Variants in PLA2G4A observed in about 807,000 individuals in gnomAD.
PLA2G4A encodes the protein cytosolic phospholipase A2.
Under a neutral mutation model 81.9 loss-of-function variants are expected in PLA2G4A, and 40 were observed. That is an observed-to-expected ratio of 0.49 (90% CI 0.38 to 0.64). The LOEUF is 0.64. Ranked by LOEUF, PLA2G4A falls within the 30% of genes least tolerant of loss-of-function variation. The pLI is 0.00. For synonymous variants in PLA2G4A, 302 were observed against 296.9 expected, an observed-to-expected ratio of 1.02 and a Z score of -0.18; for missense variants, 715 against 905.1, an observed-to-expected ratio of 0.79 and a Z score of 2.69.
rs1322218791 is a variant in PLA2G4A, at chr1:186,893,396, A to G, written c.264+237A>G. Among the ~76,000 whole-genome samples, 9 of 152,194 alleles carry G rather than the reference A, an allele frequency of 5.9e-5. 2 individuals carry two copies. The highest frequency in any genetic ancestry group is 5.2e-4 in the Admixed American group (8 of 15,276). On this transcript the variant is annotated intron_variant, in intron 4 of 17. Coordinates refer to ENST00000367466, the MANE Select transcript of PLA2G4A (RefSeq NM_024420.3). ...CCTCCCCACGTGCTTTGGAGAAAAC[A>G]TATTTTCTGCTATCAAGGAGAGAAT...
intron 2 of PLA2G4A, among the ~76,000 whole-genome samples, chr1:186,869,331 T>A (rs1006335080): frequency 4.6e-5 from 7 of 152,198 alleles, no homozygotes; most frequent in African/African-American, 1.7e-4. Flanking sequence ...TTTTTTTAAA[T>A]AAAGTTGAAT....
chr1:186,927,994 C>T (rs1403072811), intron 7 of PLA2G4A, among the ~76,000 whole-genome samples: 1 of 152,138 alleles, frequency 6.6e-6, no homozygotes, highest in African/African-American at 2.4e-5. Flanking sequence ...CAGTGGAGGG[C>T]TCCCTTTAGT....
intron 5 of PLA2G4A, among the ~76,000 whole-genome samples, chr1:186,903,662 G>A (rs1654628099): frequency 6.6e-6 from 1 of 152,184 alleles, no homozygotes; most frequent in South Asian, 2.1e-4. Context: ...CTGCTTATGA[G>A]AATATAATGC....
At chr1:186,858,556 C>T (rs1172302925) in intron 2 of PLA2G4A, among the ~76,000 whole-genome samples, 1 of 152,036 alleles carries the variant, frequency 6.6e-6, no homozygotes, top group Non-Finnish European at 1.5e-5. Flanking sequence ...TGTAGGTTGC[C>T]TGTTCACTCT....
chr1:186,975,801 C>CTCAGGTCA (rs1191902038), intron 15 of PLA2G4A, among the ~76,000 whole-genome samples: 1 of 152,166 alleles, frequency 6.6e-6, no homozygotes, highest in Non-Finnish European at 1.5e-5. Context: ...ATTAGTTTGT[C>CTCAGGTCA]TCAGGTCATC....
rs1651453960 is a variant in PLA2G4A at position 186,828,962 on chromosome 1, CTTTCTCT to C, written c.-142_-136del. On this transcript the variant is annotated 5_prime_UTR_variant, in exon 1 of 18. Transcript: ENST00000367466. ...TTAGCCCCTCCTACTCAGGATAAGA[CTTTCTCT>C]AAGTCCGGAGCTGAAAAAGGATCCT... 2.0e-5 allele frequency: 3 copies of C among 152,140 alleles called. No individual in the cohort carries two copies. Among genetic ancestry groups the C allele is most frequent in the Non-Finnish European group, 4.4e-5 (3 of 68,036 alleles). 9.4% of individuals were successfully genotyped at this position (152,140 alleles called of 1,614,324 possible).
At chr1:186,905,890 A>G (rs1229443095) in intron 5 of PLA2G4A, among the ~76,000 whole-genome samples, 1 of 152,234 alleles carries the variant, frequency 6.6e-6, no homozygotes, top group Non-Finnish European at 1.5e-5. Context: ...TTCAGCACTG[A>G]GAATCAATCA....
chr1:186,929,527 T>C (rs1264428718), intron 7 of PLA2G4A, among the ~76,000 whole-genome samples: 1 of 152,220 alleles, frequency 6.6e-6, no homozygotes, highest in Non-Finnish European at 1.5e-5. Context: ...TATATATCAA[T>C]ATATCAAGAT....
intron 1 of PLA2G4A, among the ~76,000 whole-genome samples, chr1:186,845,425 G>A (rs182572129): frequency 3.1e-4 from 47 of 152,070 alleles, no homozygotes; most frequent in African/African-American, 9.6e-5. Context: ...GATTAGGGGC[G>A]ATTTTCCCTA....
intron 7 of PLA2G4A, among the ~76,000 whole-genome samples, chr1:186,924,868 G>A (rs1655492740): frequency 1.3e-5 from 2 of 152,126 alleles, no homozygotes; most frequent in African/African-American, 2.4e-5. Context: ...CAGCCAACAT[G>A]GTGAAAACCC....
intron 13 of PLA2G4A, among the ~76,000 whole-genome samples, chr1:186,953,443 C>A (rs1396399549): frequency 1.3e-5 from 2 of 151,830 alleles, no homozygotes; most frequent in African/African-American, 2.4e-5. Flanking sequence ...TTAAAGTGTT[C>A]TTTGTATGTT....
intron 1 of PLA2G4A, among the ~76,000 whole-genome samples, chr1:186,832,626 A>C (rs1268194233): frequency 1.3e-5 from 2 of 152,234 alleles, no homozygotes. Context: ...GTTTAAATTT[A>C]CATTTCTTTG....
chr1:186,829,439 C>T (rs937926831), intron 1 of PLA2G4A, among the ~76,000 whole-genome samples: 1 of 152,160 alleles, frequency 6.6e-6, no homozygotes, highest in African/African-American at 2.4e-5. Context: ...CGATCTTTAG[C>T]GAGAGACTTT....
chr1:186,891,347 T>G (rs1654131537), intron 3 of PLA2G4A, among the ~76,000 whole-genome samples: 1 of 152,092 alleles, frequency 6.6e-6, no homozygotes, highest in Admixed American at 6.6e-5. Context: ...AACAATTAGG[T>G]TATTATTGAC....
At chr1:186,839,609 A>G (rs1651905729) in intron 1 of PLA2G4A, among the ~76,000 whole-genome samples, 1 of 152,156 alleles carries the variant, frequency 6.6e-6, no homozygotes, top group Non-Finnish European at 1.5e-5. Context: ...TGCTACTCAA[A>G]GGTAGAGGCA....
At chr1:186,929,200 C>T (rs990657698) in intron 7 of PLA2G4A, among the ~76,000 whole-genome samples, 1 of 152,218 alleles carries the variant, frequency 6.6e-6, no homozygotes. Context: ...TGATGCCAGA[C>T]ATACCTCAGT....
chr1:186,847,200 G>T (rs574511866), intron 1 of PLA2G4A, among the ~76,000 whole-genome samples: 2 of 152,178 alleles, frequency 1.3e-5, no homozygotes, highest in Non-Finnish European at 1.5e-5. Context: ...AGGCTTCAGA[G>T]AAATGGTAAA....
chr1:186,911,849 G>A (rs1654955591), intron 7 of PLA2G4A, among the ~76,000 whole-genome samples: 1 of 152,152 alleles, frequency 6.6e-6, no homozygotes, highest in South Asian at 2.1e-4. Flanking sequence ...GAAGAACCAG[G>A]AAAGCCCGTG....
Position 186,871,481 on chromosome 1 carries a change from A to G in PLA2G4A, c.115+965A>G, listed in dbSNP as rs1183835092. On this transcript the variant is annotated intron_variant, in intron 3 of 17. Transcript: ENST00000367466. ...GAACAGAGATTGCAATGTATCGTCC[A>G]GGAAACAGGTAGGGTTCCCAGCCCA... Among the ~76,000 whole-genome samples the G allele has an allele frequency of 2.0e-5, 3 of 152,178 alleles. 1 individual carries two copies. In the East Asian group the frequency reaches 5.8e-4, roughly 29 times the overall value.
Sources: allele counts gnomAD v4.1 joint callset (sites outside exome capture counted in the v4.1 genomes callset), GRCh38; gene constraint gnomAD v4.1.1; transcripts MANE v1.5; gene names NCBI Gene and HGNC (gene_info 2026-07-23, HGNC 2026-07-21).